MUC15: variants seen among roughly 807,000 people sequenced by gnomAD.
The protein encoded by MUC15 is mucin-15.
In MUC15, 23 loss-of-function variants were observed where a neutral mutation model predicts 24.0. The observed-to-expected ratio is 0.96, with a 90% CI of 0.69 to 1.36. MUC15 has a LOEUF of 1.36. Ranked by LOEUF, MUC15 falls within the 40% of genes most tolerant of loss-of-function variation. The pLI is 0.00. For synonymous variants in MUC15, 151 were observed against 156.3 expected, an observed-to-expected ratio of 0.97 and a Z score of 0.25; for missense variants, 442 against 428.2, an observed-to-expected ratio of 1.03 and a Z score of -0.29.
Position 26,559,516 on chromosome 11 carries a change from GT to G in MUC15, c.*1548del, listed in dbSNP as rs1296596363. 5 of 548,210 alleles carry G rather than the reference GT, an allele frequency of 9.1e-6. No individual in the cohort carries two copies. The African/African-American group carries it at 9.4e-5, about 10-fold the overall frequency. 34.0% of individuals were successfully genotyped at this position (548,210 alleles called of 1,614,324 possible). ...CAAGAGAGGAGAGAAGAGGGCTAAT[GT>G]TGTTTCTTCACCTCTCCCCATGAGA... On this transcript the variant is annotated 3_prime_UTR_variant, in exon 5 of 5. Transcript: ENST00000529533.
intron 1 of MUC15, among the ~76,000 whole-genome samples, chr11:26,568,699 A>C (rs1850697863): frequency 6.6e-6 from 1 of 152,092 alleles, no homozygotes; most frequent in Non-Finnish European, 1.5e-5. Flanking sequence ...TTTACAAAGC[A>C]TGAATGATTA....
chr11:26,559,539 G>A lies in MUC15; in HGVS notation c.*1526C>T. On this transcript the variant is annotated 3_prime_UTR_variant, in exon 5 of 5. Transcript: ENST00000529533. ...ATGTTGTTTCTTCACCTCTCCCCAT[G>A]AGAAAAATCATGTGAAATTGTTGCA... The A allele has an allele frequency of 1.8e-6, 1 of 570,226 alleles. No homozygotes were observed. Among genetic ancestry groups the A allele is most frequent in the Non-Finnish European group, 3.1e-6 (1 of 320,128 alleles). 35.3% of individuals were successfully genotyped at this position (570,226 alleles called of 1,614,324 possible).
chr11:26,565,017 A>T, intron 3 of MUC15, 148 bp downstream of exon 3: 1 of 724,938 alleles, frequency 1.4e-6, no homozygotes, highest in Non-Finnish European at 2.1e-6. Flanking sequence ...TCTAGTGACT[A>T]TAATGATCAT....
Position 26,567,039 on chromosome 11 carries a change from A to C in MUC15, c.43+13T>G. The C allele has an allele frequency of 6.7e-7, 1 of 1,490,984 alleles. No homozygotes were observed. The highest frequency in any genetic ancestry group is 1.4e-5 in the South Asian group (1 of 71,594). The allele number at this position is 1,490,984 out of a possible 1,614,324, so 92.4% of individuals were successfully genotyped here. A position where few individuals can be genotyped will look rare whatever the true frequency, so the allele number is the denominator to read the frequency against. On this transcript the variant is annotated intron_variant, in intron 2 of 4. Coordinates refer to ENST00000529533, the MANE Select transcript of MUC15 (RefSeq NM_001135091.2). The stretch of plus-strand genomic sequence containing the variant: ...GTTACAAAGTTTACAGTATCATCTT[A>C]TTTGATACTTACAACAATCCCTTGA...
rs763099571 is a variant in MUC15 at position 26,565,879 on chromosome 11, G to GT, written c.60dup (p.Pro21ThrfsTer47). 1.7e-4 allele frequency: 266 copies of GT among 1,565,256 alleles called. No homozygotes were observed. The highest frequency in any genetic ancestry group is 5.2e-4 in the Middle Eastern group (3 of 5,720). On this transcript the variant is annotated frameshift_variant, in exon 3 of 5. Transcript: ENST00000529533. LOFTEE classifies it high-confidence loss of function. Reference sequence around the variant, plus strand: ...AACATTGTAGGCTTCTTTGGTATTGGTTTTTTTTTAAAGGAATCTGAAAGA... The same window carrying GT: ...AACATTGTAGGCTTCTTTGGTATTGGTTTTTTTTTTAAAGGAATCTGAAAGA...
intron 1 of MUC15, among the ~76,000 whole-genome samples, chr11:26,568,963 T>C (rs1850708912): frequency 6.6e-6 from 1 of 152,064 alleles, no homozygotes; most frequent in Non-Finnish European, 1.5e-5. Context: ...TCTCTATATC[T>C]AGTTGTTTTG....
intron 1 of MUC15, among the ~76,000 whole-genome samples, chr11:26,570,755 A>G (rs1850792033): frequency 6.6e-6 from 1 of 152,168 alleles, no homozygotes; most frequent in Non-Finnish European, 1.5e-5. Flanking sequence ...CTATGTAGCT[A>G]ACATCTCAGG....
chr11:26,562,701 T>G (rs746836899), intron 4 of MUC15, among the ~76,000 whole-genome samples: 1 of 151,832 alleles, frequency 6.6e-6, no homozygotes, highest in African/African-American at 2.4e-5. Flanking sequence ...TGTATAAACT[T>G]TAAAAGAGCT....
intron 1 of MUC15, among the ~76,000 whole-genome samples, chr11:26,570,623 C>T (rs965726679): frequency 1.3e-5 from 2 of 152,114 alleles, no homozygotes; most frequent in Non-Finnish European, 2.9e-5. Context: ...AGTAAAATCA[C>T]TGACGACTAT....
intron 4 of MUC15, among the ~76,000 whole-genome samples, chr11:26,561,478 A>G (rs1202810816): frequency 6.6e-6 from 1 of 152,004 alleles, no homozygotes; most frequent in Non-Finnish European, 1.5e-5. Flanking sequence ...TAAAGAAGAG[A>G]CCAGTATAGT....
At chr11:26,570,503 T>C (rs1014107347) in intron 1 of MUC15, among the ~76,000 whole-genome samples, 1 of 152,102 alleles carries the variant, frequency 6.6e-6, no homozygotes, top group African/African-American at 2.4e-5. Flanking sequence ...AATTAACCCA[T>C]ATAAGGGCAA....
rs1214184166 is a variant in MUC15 at position 26,559,093 on chromosome 11, CATT to C, written c.*1969_*1971del. On this transcript the variant is annotated 3_prime_UTR_variant, in exon 5 of 5. Coordinates refer to ENST00000529533, the MANE Select transcript of MUC15 (RefSeq NM_001135091.2). ...CAAGCCTTAAAATTTGATTCAATAA[CATT>C]ATAAAACTATGCATCCTTTATGAAG... The C allele has an allele frequency of 6.6e-6, 1 of 152,098 alleles. No individual in the cohort carries two copies. Among genetic ancestry groups the C allele is most frequent in the Non-Finnish European group, 1.5e-5 (1 of 68,002 alleles). The allele number at this position is 152,098 out of a possible 1,614,324, so 9.4% of individuals were successfully genotyped here.
chr11:26,566,220 CGT>C (rs946039275), intron 2 of MUC15, among the ~76,000 whole-genome samples: 8 of 151,756 alleles, frequency 5.3e-5, no homozygotes, highest in African/African-American at 1.9e-4. Flanking sequence ...CACACATACA[CGT>C]ATATTTAAAA....
chr11:26,566,926 A>G, intron 2 of MUC15, 126 bp downstream of exon 2: 1 of 837,446 alleles, frequency 1.2e-6, no homozygotes, highest in South Asian at 5.4e-5. Flanking sequence ...CAGCACTCTA[A>G]ACAAGATCTA....
rs1305269841 is a variant in MUC15 at position 26,565,754 on chromosome 11, A to G, written c.186T>C (p.Ile62=). ...TTTCCATTGTTTTAAAAACTTCTGC[A>G]ATGTTCTGTGTTGTGTTTATGTCTT... The part of the protein sequence containing the change: ...ENQDINTTQN[I]AEVFKTMENK... The change falls in exon 3 of 5, where the codon ATT becomes ATC. Residue 62 remains isoleucine, a synonymous_variant. Coordinates refer to ENST00000529533, the MANE Select transcript of MUC15 (RefSeq NM_001135091.2). 1 of 1,606,220 alleles carries G rather than the reference A, an allele frequency of 6.2e-7. No individual in the cohort carries two copies. The highest frequency in any genetic ancestry group is 8.5e-7 in the Non-Finnish European group (1 of 1,174,396).
At chr11:26,564,747 A>T (rs1177382230) in intron 3 of MUC15, among the ~76,000 whole-genome samples, 4 of 63,736 alleles carry the variant, frequency 6.3e-5, no homozygotes, top group Non-Finnish European at 2.9e-5. Flanking sequence ...ATATATATAT[A>T]TATATATATA....
rs1244835533 is a variant in MUC15, at chr11:26,560,465, T to G, written c.*600A>C. On this transcript the variant is annotated 3_prime_UTR_variant, in exon 5 of 5. Transcript: ENST00000529533. Reference sequence around the variant, plus strand: ...CCATGGCCCCGTTGAATGCAGTCATTGTCAGCTTCATAACTCAGTGGGCTG... The same window carrying G: ...CCATGGCCCCGTTGAATGCAGTCATGGTCAGCTTCATAACTCAGTGGGCTG... 2.0e-5 allele frequency: 3 copies of G among 152,372 alleles called. No homozygotes were observed. The highest frequency in any genetic ancestry group is 2.0e-4 in the Admixed American group (3 of 15,244). The allele number at this position is 152,372 out of a possible 1,614,324, so 9.4% of individuals were successfully genotyped here. A position where few individuals can be genotyped will look rare whatever the true frequency, so the allele number is the denominator to read the frequency against.
At chr11:26,569,557 TGGAGTAAGGTCCA>T (rs978186655) in intron 1 of MUC15, among the ~76,000 whole-genome samples, 3 of 152,056 alleles carry the variant, frequency 2.0e-5, no homozygotes, top group African/African-American at 7.2e-5. Flanking sequence ...GAAATTTTGC[TGGAGTAAGGTCCA>T]GGAGATTTGG....
intron 3 of MUC15, 61 bp downstream of exon 3, chr11:26,565,104 G>T (rs1850513134): frequency 6.9e-7 from 1 of 1,454,648 alleles, no homozygotes; most frequent in Non-Finnish European, 9.2e-7. Flanking sequence ...GACTTACTCT[G>T]CATGACTTAT....
Sources: gnomAD v4.1 joint callset for allele counts (sites outside exome capture counted in the v4.1 genomes callset) on GRCh38, gnomAD v4.1.1 for gene constraint, MANE v1.5 for transcripts, NCBI Gene and HGNC (gene_info 2026-07-23, HGNC 2026-07-21) for gene names.